Variants in HDAC4 observed in about 807,000 individuals in gnomAD.
The protein encoded by HDAC4 is histone deacetylase 4.
A neutral mutation model predicts 135.1 loss-of-function variants in HDAC4; 16 were observed. That is an observed-to-expected ratio of 0.12 (90% confidence interval 0.08 to 0.18). The LOEUF is 0.18. Ranked by LOEUF, HDAC4 falls within the 10% of genes least tolerant of loss-of-function variation. The probability of loss-of-function intolerance (pLI) is 1.00; values close to 1 mark genes in which losing one functional copy is unlikely to be tolerated. For synonymous variants in HDAC4, 685 were observed against 653.4 expected (o/e 1.05, Z -0.74); for missense variants, 1,143 against 1,511.8 (o/e 0.76, Z 4.05).
chr2:239,057,566 A>AAAG (rs1405590772), intron 24 of HDAC4, among the ~76,000 whole-genome samples: 2 of 152,262 alleles, frequency 1.3e-5, no homozygotes, highest in Non-Finnish European at 2.9e-5. Context: ...CCAACTCCTT[A>AAAG]ACAGCAATGG....
rs2048097632 is a variant in HDAC4, at chr2:239,240,155, G to A, written c.23-3491C>T. ...AGGTGGCTGGTGGAACACAATCCTG[G>A]GGGTAAAGCAGTGGCGGTGAGTGCA... On this transcript the variant is annotated intron_variant, in intron 2 of 26. Transcript: ENST00000543185. The surrounding 1 kb of genome is among the most constrained non-coding windows in gnomAD (Gnocchi z 4.5). Among the ~76,000 whole-genome samples, 2 of 152,254 alleles carry A rather than the reference G, an allele frequency of 1.3e-5. No homozygotes were observed. Among genetic ancestry groups the A allele is most frequent in the Admixed American group, 1.3e-4 (2 of 15,294 alleles).
At chr2:239,291,163 C>A (rs1463371191) in intron 2 of HDAC4, among the ~76,000 whole-genome samples, 1 of 152,234 alleles carries the variant, frequency 6.6e-6, no homozygotes, top group Non-Finnish European at 1.5e-5. Context: ...CCCTGGGGTC[C>A]TTGTTCAGCC....
rs200271528 is a variant in HDAC4 at position 239,190,103 on chromosome 2, C to T, written c.95-26G>A. The T allele has an allele frequency of 4.9e-4, 770 of 1,582,522 alleles. 2 individuals are homozygous for T. In the African/African-American group the frequency reaches 9.0e-3, roughly 19 times the overall value. ...CTGTGGGAAAAACAAGCAGGAGAGC[C>T]GGTCACTGCCGCCCTTTGCTGTCCC... On this transcript the variant is annotated intron_variant, in intron 3 of 26. Transcript: ENST00000543185.
rs542289779 is a variant in HDAC4, at chr2:239,375,272, G to A, written c.-219-22354C>T. Among the ~76,000 whole-genome samples, 249 of 152,278 alleles carry A rather than the reference G, an allele frequency of 1.6e-3. 2 individuals carry two copies. The Middle Eastern group carries it at 0.034, about 21-fold the overall frequency. Reference sequence around the variant, plus strand: ...GGTGCCCCGGGAGGTGCCAGAGCCTGCTTGGTCTCTCTGCTGTCCTGCAGG... The same window carrying A: ...GGTGCCCCGGGAGGTGCCAGAGCCTACTTGGTCTCTCTGCTGTCCTGCAGG... On this transcript the variant is annotated intron_variant, in intron 1 of 26. Coordinates refer to ENST00000543185, the MANE Select transcript of HDAC4 (RefSeq NM_001378414.1).
chr2:239,243,663 C>T (rs1559276299), intron 2 of HDAC4, among the ~76,000 whole-genome samples: 1 of 152,164 alleles, frequency 6.6e-6, no homozygotes, highest in Non-Finnish European at 1.5e-5. Flanking sequence ...ATCTCCCCAT[C>T]CTTTCATATT....
intron 4 of HDAC4, among the ~76,000 whole-genome samples, chr2:239,180,459 C>G (rs768455808): frequency 4.6e-5 from 7 of 152,146 alleles, no homozygotes; most frequent in Admixed American, 6.5e-5. Flanking sequence ...TGCTCACAGC[C>G]TCTTCCTACT....
intron 3 of HDAC4, among the ~76,000 whole-genome samples, chr2:239,229,090 C>T (rs545449689): frequency 2.0e-5 from 3 of 152,122 alleles, no homozygotes; most frequent in South Asian, 2.1e-4. Flanking sequence ...GGCAGTGAGC[C>T]GAGATCCTGC....
Position 239,068,499 on chromosome 2 carries a change from G to A in HDAC4, c.2859C>T (p.Leu953=). The A allele has an allele frequency of 1.2e-6, 2 of 1,612,408 alleles. No individual in the cohort carries two copies. The highest frequency in any genetic ancestry group is 1.7e-6 in the Non-Finnish European group (2 of 1,178,576). Residue 953 remains leucine (L), a synonymous_variant, in exon 23 of 27, where the codon CTC becomes CTT. Coordinates refer to ENST00000543185, the MANE Select transcript of HDAC4 (RefSeq NM_001378414.1). The surrounding 1 kb of genome is among the most constrained non-coding windows in gnomAD (Gnocchi z 4.4). The stretch of plus-strand genomic sequence containing the variant: ...TGCAGAACCACTTACATCTGGCGGA[G>A]AGGTTGTAGCCCCCAAGAGGGGTGG... ...GHPTPLGGYN[L]SARCFGYLTK...
chr2:239,321,434 C>T (rs571344658), intron 2 of HDAC4, among the ~76,000 whole-genome samples: 2 of 136,552 alleles, frequency 1.5e-5, no homozygotes, highest in East Asian at 4.2e-4. Context: ...CACTGCACTC[C>T]AGCCTGGGTG....
intron 5 of HDAC4, among the ~76,000 whole-genome samples, chr2:239,173,841 C>A (rs1008361779): frequency 6.6e-6 from 1 of 152,188 alleles, no homozygotes; most frequent in African/African-American, 2.4e-5. Flanking sequence ...CAAAAACTGA[C>A]TGCTTTTCAA....
chr2:239,100,166 C>T (rs560013376), intron 16 of HDAC4, among the ~76,000 whole-genome samples: 1 of 152,362 alleles, frequency 6.6e-6, no homozygotes, highest in East Asian at 1.9e-4. Context: ...AGAGACTCTG[C>T]CTTTGGCCTG....
At chr2:239,118,562 C>T (rs1032668876) in intron 12 of HDAC4, among the ~76,000 whole-genome samples, 1 of 152,158 alleles carries the variant, frequency 6.6e-6, no homozygotes, top group Non-Finnish European at 1.5e-5. Context: ...AGTTCCGGGA[C>T]CTGATGCACA....
At chr2:239,235,668 G>C (rs1407077132) in intron 3 of HDAC4, among the ~76,000 whole-genome samples, 1 of 152,240 alleles carries the variant, frequency 6.6e-6, no homozygotes, top group African/African-American at 2.4e-5. Flanking sequence ...AGGATTCTAT[G>C]TGGAAACGGG....
chr2:239,209,118 C>T (rs1169755560), intron 3 of HDAC4, among the ~76,000 whole-genome samples: 1 of 152,190 alleles, frequency 6.6e-6, no homozygotes, highest in Non-Finnish European at 1.5e-5. Context: ...TGAGCTCAAG[C>T]AATTCATTTG....
chr2:239,200,105 T>G (rs1464877175), intron 3 of HDAC4, among the ~76,000 whole-genome samples: 3 of 152,220 alleles, frequency 2.0e-5, no homozygotes, highest in Non-Finnish European at 4.4e-5. Context: ...GAGACCACAG[T>G]CTGGAGACTG....
chr2:239,055,659 G>C (rs1179575222), intron 24 of HDAC4, among the ~76,000 whole-genome samples: 2 of 151,070 alleles, frequency 1.3e-5, no homozygotes, highest in Non-Finnish European at 2.9e-5. Context: ...GGAGGCTGTA[G>C]TGAGCCAAGA....
chr2:239,246,007 C>T (rs1203217539), intron 2 of HDAC4, among the ~76,000 whole-genome samples: 1 of 152,312 alleles, frequency 6.6e-6, no homozygotes, highest in South Asian at 2.1e-4. Flanking sequence ...TGGCTGCCTG[C>T]GTCCAGTCCC....
rs919389939 is a variant in HDAC4, at chr2:239,146,014, C to A, written c.734-1300G>T. On this transcript the variant is annotated intron_variant, in intron 7 of 26. Coordinates refer to ENST00000543185, the MANE Select transcript of HDAC4 (RefSeq NM_001378414.1). This position sits in a 1 kb window ranked among gnomAD's most constrained non-coding sequence, Gnocchi z 4.5. ...ACCAGAGAGGCGCTGTGAGAAGGTA[C>A]CAGACTCTAAGCCTCTGCAGGGAGC... Among the ~76,000 whole-genome samples the A allele has an allele frequency of 6.6e-6, 1 of 152,182 alleles. No homozygotes were observed.
intron 22 of HDAC4, among the ~76,000 whole-genome samples, chr2:239,079,539 C>T (rs2035090762): frequency 6.6e-6 from 1 of 152,218 alleles, no homozygotes; most frequent in African/African-American, 2.4e-5. Context: ...CAACGGACCC[C>T]AGTTAGAGAA....
Sources: gnomAD v4.1 joint callset for allele counts (sites outside exome capture counted in the v4.1 genomes callset) on GRCh38, gnomAD v4.1.1 for gene constraint, Gnocchi (gnomAD v3.1) non-coding constraint, MANE v1.5 for transcripts, NCBI Gene and HGNC (gene_info 2026-07-23, HGNC 2026-07-21) for gene names.